The following COL15A1 variants were observed in gnomAD, a reference collection of about 807,000 sequenced individuals.
COL15A1 encodes the protein collagen type XV alpha 1 chain.
A neutral mutation model predicts 165.9 loss-of-function variants in COL15A1; 111 were observed. The observed-to-expected ratio is 0.67, with a 90% CI of 0.57 to 0.78. The LOEUF is 0.78. Among genes scored for constraint, COL15A1 ranks in the 30% least tolerant of loss-of-function variants. The pLI is 0.00. For missense variants in COL15A1, 1,745 were observed against 1,789.7 expected (o/e 0.98, Z 0.45); for synonymous variants, 659 against 674.8 (o/e 0.98, Z 0.36).
intron 40 of COL15A1, 35 bp downstream of exon 40, chr9:99,067,102 T>A (rs773818920): frequency 6.3e-7 from 1 of 1,576,310 alleles, no homozygotes; most frequent in Non-Finnish European, 8.7e-7. Flanking sequence ...GCCTTCTGCA[T>A]GCATTGGTCG....
At chr9:99,030,546 T>C (rs916386956) in intron 16 of COL15A1, among the ~76,000 whole-genome samples, 1 of 152,166 alleles carries the variant, frequency 6.6e-6, no homozygotes, top group African/African-American at 2.4e-5. Flanking sequence ...ATTCAGATAC[T>C]CTCTTTTTAC....
intron 36 of COL15A1, among the ~76,000 whole-genome samples, chr9:99,060,176 A>G (rs752687166): frequency 6.6e-6 from 1 of 150,876 alleles, no homozygotes; most frequent in Non-Finnish European, 1.5e-5. Context: ...AAGTTCCACC[A>G]TTCGAATCCT....
chr9:98,983,106 T>C (rs115356658), intron 2 of COL15A1, among the ~76,000 whole-genome samples: 39 of 152,360 alleles, frequency 2.6e-4, no homozygotes, highest in African/African-American at 9.1e-4. Context: ...GTGTCTCATA[T>C]TGTTCTTTAT....
intron 9 of COL15A1, among the ~76,000 whole-genome samples, chr9:99,014,045 T>A (rs781203136): frequency 6.6e-6 from 1 of 152,126 alleles, no homozygotes; most frequent in African/African-American, 2.4e-5. Flanking sequence ...ACCCATAATT[T>A]AGAATTCTCA....
chr9:99,055,504 C>T, intron 34 of COL15A1, 132 bp downstream of exon 34: 1 of 629,284 alleles, frequency 1.6e-6, no homozygotes. Flanking sequence ...TTAGCCAGCT[C>T]TTTCCCCATC....
chr9:98,985,305 G>A (rs1022852481), intron 2 of COL15A1, among the ~76,000 whole-genome samples: 15 of 152,314 alleles, frequency 9.8e-5, no homozygotes, highest in African/African-American at 3.6e-4. Flanking sequence ...TGAGTGCCTG[G>A]TGAGTATTAA....
chr9:99,034,162 G>T lies in COL15A1; in HGVS notation c.2044-387G>T, dbSNP rs558003492. Among the ~76,000 whole-genome samples, 12 of 152,286 alleles carry T rather than the reference G, an allele frequency of 7.9e-5. 1 individual carries two copies. In the South Asian group the frequency reaches 2.5e-3, roughly 32 times the overall value. ...TAGGGGATACATTTCAGATCATGAA[G>T]CCCCTTCCCTCGCTTTAGAGTGGGT... On this transcript the variant is annotated intron_variant, in intron 16 of 41. Coordinates refer to ENST00000375001, the MANE Select transcript of COL15A1 (RefSeq NM_001855.5).
At chr9:99,050,030 C>A in intron 30 of COL15A1, 135 bp downstream of exon 30, 1 of 1,200,548 alleles carries the variant, frequency 8.3e-7, no homozygotes, top group Non-Finnish European at 1.2e-6. Context: ...AAGTGTAGAC[C>A]CTCAAGTGAC....
At chr9:98,953,621 A>G (rs1297340085) in intron 2 of COL15A1, among the ~76,000 whole-genome samples, 1 of 152,230 alleles carries the variant, frequency 6.6e-6, no homozygotes, top group Non-Finnish European at 1.5e-5. Flanking sequence ...TAAAGGACAG[A>G]ACAGGGCAAA....
intron 38 of COL15A1, 43 bp from the exon 39 acceptor site, chr9:99,063,007 A>T (rs764449386): frequency 6.3e-7 from 1 of 1,574,972 alleles, no homozygotes; most frequent in Non-Finnish European, 8.6e-7. Flanking sequence ...GAACAGATTG[A>T]ATGCATATTC....
intron 6 of COL15A1, among the ~76,000 whole-genome samples, chr9:99,000,503 C>T (rs1483608718): frequency 6.6e-6 from 1 of 152,060 alleles, no homozygotes; most frequent in Non-Finnish European, 1.5e-5. Context: ...ATGCCAGGGG[C>T]TGTCCTCAAT....
chr9:98,982,654 T>A (rs1272208417), intron 2 of COL15A1, among the ~76,000 whole-genome samples: 1 of 152,066 alleles, frequency 6.6e-6, no homozygotes, highest in Non-Finnish European at 1.5e-5. Flanking sequence ...TTTTTCTTTT[T>A]TTTTTTAGAC....
intron 32 of COL15A1, 135 bp downstream of exon 32, chr9:99,054,791 T>C: frequency 9.9e-7 from 1 of 1,010,062 alleles, no homozygotes. Flanking sequence ...TGGTTTCTAG[T>C]GAAAACCAAG....
intron 7 of COL15A1, among the ~76,000 whole-genome samples, chr9:99,002,539 G>T (rs1038283517): frequency 1.3e-5 from 2 of 152,148 alleles, no homozygotes; most frequent in African/African-American, 4.8e-5. Flanking sequence ...CTGGTAGAAC[G>T]GGTGCCATTT....
At position 99,027,908 on chromosome 9, in the gene COL15A1, G is replaced by A. The variant is rs545514980; in HGVS notation, c.2043+1942G>A. ...CCTAATAAACCAAGGTGCATATTCA[G>A]TATGTAAAATAACAAAAAATGTGCT... On this transcript the variant is annotated intron_variant, in intron 16 of 41. Coordinates refer to ENST00000375001, the MANE Select transcript of COL15A1 (RefSeq NM_001855.5). Among the ~76,000 whole-genome samples, 15 of 152,318 alleles carry A rather than the reference G, an allele frequency of 9.8e-5. No homozygotes were observed. In the South Asian group the frequency reaches 3.1e-3, roughly 32 times the overall value.
At chr9:99,009,675 C>A (rs963310031) in intron 9 of COL15A1, among the ~76,000 whole-genome samples, 10 of 151,888 alleles carry the variant, frequency 6.6e-5, no homozygotes, top group Admixed American at 3.9e-4. Flanking sequence ...CAAAGTGATA[C>A]CTCAAAGAGT....
At chr9:99,003,073 A>G (rs1838689264) in intron 7 of COL15A1, among the ~76,000 whole-genome samples, 1 of 152,270 alleles carries the variant, frequency 6.6e-6, no homozygotes, top group Non-Finnish European at 1.5e-5. Flanking sequence ...AGGAGGACAG[A>G]GGTGCTGCCT....
Position 98,989,146 on chromosome 9 carries a change from C to T in COL15A1, c.724-32C>T, listed in dbSNP as rs201051693. 30 of 1,584,296 alleles carry T rather than the reference C, an allele frequency of 1.9e-5. No homozygotes were observed. In the East Asian group the frequency reaches 6.0e-4, roughly 32 times the overall value. On this transcript the variant is annotated intron_variant, in intron 4 of 41. Transcript: ENST00000375001. ...ACTCTTATGGGCCCTGCCCGCTCTG[C>T]CCGGTGTGTGGCACAGTTTGTCTCC...
chr9:98,983,874 C>T (rs1265382704), intron 2 of COL15A1, among the ~76,000 whole-genome samples: 1 of 152,158 alleles, frequency 6.6e-6, no homozygotes, highest in Non-Finnish European at 1.5e-5. Flanking sequence ...CACACAGCTA[C>T]GTAGTTGTGT....
Sources: gnomAD v4.1 joint callset for allele counts (sites outside exome capture counted in the v4.1 genomes callset) on GRCh38, gnomAD v4.1.1 for gene constraint, MANE v1.5 for transcripts, NCBI Gene and HGNC (gene_info 2026-07-23, HGNC 2026-07-21) for gene names.